Variants in TMEM163 observed in about 807,000 individuals in gnomAD.
The protein encoded by TMEM163 is transmembrane protein 163.
A neutral mutation model predicts 29.3 loss-of-function variants in TMEM163; 17 were observed. The ratio of observed to expected loss-of-function variants is 0.58; its 90% confidence interval spans 0.40 to 0.87. The LOEUF is 0.87. TMEM163 is among the 40% of genes least tolerant of loss of function. The probability of loss-of-function intolerance (pLI) is 0.00; values close to 1 mark genes in which losing one functional copy is unlikely to be tolerated. For synonymous variants in TMEM163, 157 were observed against 160.6 expected, an observed-to-expected ratio of 0.98 and a Z score of 0.17; for missense variants, 303 against 381.5, an observed-to-expected ratio of 0.79 and a Z score of 1.71.
chr2:134,606,403 G>A (rs1401333646), intron 2 of TMEM163, among the ~76,000 whole-genome samples: 2 of 151,172 alleles, frequency 1.3e-5, no homozygotes, highest in African/African-American at 4.9e-5. Context: ...TGCTCACAGT[G>A]AATGTTTTCT....
At chr2:134,545,228 C>T (rs1302320926) in intron 4 of TMEM163, among the ~76,000 whole-genome samples, 2 of 152,212 alleles carry the variant, frequency 1.3e-5, no homozygotes, top group South Asian at 2.1e-4. Flanking sequence ...TGTCACCAAC[C>T]CCACCCGCAC....
intron 2 of TMEM163, among the ~76,000 whole-genome samples, chr2:134,625,198 C>T (rs1236798664): frequency 6.6e-6 from 1 of 152,116 alleles, no homozygotes; most frequent in East Asian, 1.9e-4. Flanking sequence ...TTTGTGTCCA[C>T]TACCATTAAT....
chr2:134,634,100 A>G (rs1279587325), intron 2 of TMEM163, among the ~76,000 whole-genome samples: 2 of 150,794 alleles, frequency 1.3e-5, no homozygotes, highest in Non-Finnish European at 3.0e-5. Flanking sequence ...TTCTCTAGGT[A>G]GAAGAAGTAG....
chr2:134,585,654 A>C (rs1480441727), intron 2 of TMEM163, among the ~76,000 whole-genome samples: 1 of 151,728 alleles, frequency 6.6e-6, no homozygotes, highest in Non-Finnish European at 1.5e-5. Context: ...AAGCAGGAGG[A>C]TGGCGTGAAC....
At chr2:134,506,676 C>T (rs1257266105) in intron 4 of TMEM163, among the ~76,000 whole-genome samples, 1 of 152,228 alleles carries the variant, frequency 6.6e-6, no homozygotes. Context: ...CTCTGGGCAG[C>T]CACATCACGT....
chr2:134,538,572 G>A (rs1385084701), intron 4 of TMEM163, among the ~76,000 whole-genome samples: 3 of 152,138 alleles, frequency 2.0e-5, no homozygotes, highest in African/African-American at 4.8e-5. Context: ...CCCATCAACC[G>A]ATGAATGGAT....
At chr2:134,519,985 C>T (rs1314171389) in intron 4 of TMEM163, among the ~76,000 whole-genome samples, 1 of 151,734 alleles carries the variant, frequency 6.6e-6, no homozygotes, top group Non-Finnish European at 1.5e-5. Context: ...TGATTATGGG[C>T]CAGATGTAAG....
chr2:134,683,426 TAA>T (rs544236321), intron 2 of TMEM163, among the ~76,000 whole-genome samples: 150 of 139,058 alleles, frequency 1.1e-3, no homozygotes, highest in African/African-American at 3.3e-3. Context: ...GTCTTTAATT[TAA>T]AAAAAAAAAA....
intron 2 of TMEM163, among the ~76,000 whole-genome samples, chr2:134,600,956 T>G (rs1398699790): frequency 6.6e-6 from 1 of 152,110 alleles, no homozygotes; most frequent in African/African-American, 2.4e-5. Context: ...CCCAGCCAAG[T>G]CAAAACTGGG....
chr2:134,465,189 T>TAAAAAA (rs1181405890), intron 6 of TMEM163, among the ~76,000 whole-genome samples: 7 of 117,708 alleles, frequency 5.9e-5, no homozygotes, highest in African/African-American at 2.2e-4. Flanking sequence ...TCCGCATCTT[T>TAAAAAA]AAAAAAAAAA....
At chr2:134,680,615 A>C (rs13430862) in intron 2 of TMEM163, among the ~76,000 whole-genome samples, 8,234 of 152,314 alleles carry the variant, frequency 0.054, 385 homozygotes, top group African/African-American at 0.11. Context: ...TTAATGCGCA[A>C]GGTTCTCTCA....
Position 134,506,077 on chromosome 2 carries a change from C to T in TMEM163, c.459-3080G>A, listed in dbSNP as rs909592120. On this transcript the variant is annotated intron_variant, in intron 4 of 7. Coordinates refer to ENST00000281924, the MANE Select transcript of TMEM163 (RefSeq NM_030923.5). ...CCAAATGCCCGTGGAATAGCCCACA[C>T]GGTAAGGCAGCTCTGAAATATAATG... Among the ~76,000 whole-genome samples the T allele has an allele frequency of 7.9e-5, 12 of 152,208 alleles. No individual in the cohort carries two copies. The East Asian group carries it at 1.4e-3, about 17-fold the overall frequency.
chr2:134,661,161 T>TTCTC (rs1683740439), intron 2 of TMEM163, among the ~76,000 whole-genome samples: 1 of 87,268 alleles, frequency 1.1e-5, no homozygotes, highest in African/African-American at 6.7e-5. Context: ...AGCTCTTGCT[T>TTCTC]GCTCTCTCTC....
intron 2 of TMEM163, among the ~76,000 whole-genome samples, chr2:134,679,402 C>G (rs1439967360): frequency 6.6e-6 from 1 of 152,126 alleles, no homozygotes; most frequent in Non-Finnish European, 1.5e-5. Context: ...TCCATGAAAA[C>G]AAGACTGGCA....
At chr2:134,510,307 A>G (rs901694469) in intron 4 of TMEM163, among the ~76,000 whole-genome samples, 2 of 152,216 alleles carry the variant, frequency 1.3e-5, no homozygotes, top group Admixed American at 6.5e-5. Context: ...CAGATAGGGC[A>G]GGATCACCAA....
At chr2:134,717,102 G>T (rs562053947) in intron 1 of TMEM163, among the ~76,000 whole-genome samples, 1 of 152,306 alleles carries the variant, frequency 6.6e-6, no homozygotes, top group South Asian at 2.1e-4. Context: ...ACTACAAAAT[G>T]ATGCTAAATA....
chr2:134,663,229 G>C (rs1409024955), intron 2 of TMEM163, among the ~76,000 whole-genome samples: 2 of 152,240 alleles, frequency 1.3e-5, no homozygotes, highest in Admixed American at 1.3e-4. Context: ...GATTCCTTAT[G>C]ATAAACACTG....
At chr2:134,651,905 T>G (rs1309708734) in intron 2 of TMEM163, among the ~76,000 whole-genome samples, 10 of 107,768 alleles carry the variant, frequency 9.3e-5, no homozygotes, top group Admixed American at 9.2e-4. Context: ...TTGATCTATA[T>G]CTCTGTTTTG....
At chr2:134,581,850 A>G (rs1681700706) in intron 2 of TMEM163, among the ~76,000 whole-genome samples, 1 of 152,206 alleles carries the variant, frequency 6.6e-6, no homozygotes, top group Admixed American at 6.5e-5. Context: ...CTACCCTTCC[A>G]TCTCCCTCCT....
Sources: allele counts gnomAD v4.1 joint callset (sites outside exome capture counted in the v4.1 genomes callset), GRCh38; gene constraint gnomAD v4.1.1; transcripts MANE v1.5; gene names NCBI Gene and HGNC (gene_info 2026-07-23, HGNC 2026-07-21).